Variants in CACNA1C observed in about 807,000 individuals in gnomAD.
CACNA1C encodes calcium voltage-gated channel subunit alpha1 C.
CACNA1C carries 30 observed loss-of-function variants against 229.0 expected under a neutral mutation model. The observed-to-expected ratio is 0.13, with a 90% CI of 0.10 to 0.18. CACNA1C has a LOEUF of 0.18. CACNA1C is among the 10% of genes least tolerant of loss of function. CACNA1C has a pLI of 1.00. For synonymous variants in CACNA1C, 1,114 were observed against 1,132.5 expected (o/e 0.98, Z 0.33); for missense variants, 1,658 against 2,845.0 (o/e 0.58, Z 9.49).
chr12:2,009,691 A>G (rs1033698327), intron 1 of CACNA1C, among the ~76,000 whole-genome samples: 1 of 152,218 alleles, frequency 6.6e-6, no homozygotes, highest in African/African-American at 2.4e-5. Flanking sequence ...GAAGTGAACA[A>G]TTAACTCTCT....
chr12:2,277,362 G>GACACACACACACACAC (rs59258094), intron 3 of CACNA1C, among the ~76,000 whole-genome samples: 1 of 72,152 alleles, frequency 1.4e-5, no homozygotes, highest in Admixed American at 1.4e-4. Flanking sequence ...CAGACAGACA[G>GACACACACACACACAC]ACACACACAC....
intron 9 of CACNA1C, among the ~76,000 whole-genome samples, chr12:2,542,570 G>A (rs1314611899): frequency 6.6e-6 from 1 of 152,134 alleles, no homozygotes; most frequent in African/African-American, 2.4e-5. Flanking sequence ...AACCCTCAGA[G>A]GGTTTGCTAA....
chr12:2,032,563 G>A (rs749420389), intron 1 of CACNA1C, among the ~76,000 whole-genome samples: 1 of 152,226 alleles, frequency 6.6e-6, no homozygotes. Context: ...GTTTGTGAGT[G>A]TTCGGATGTG....
intron 9 of CACNA1C, among the ~76,000 whole-genome samples, chr12:2,525,232 TG>T (rs900401425): frequency 1.3e-5 from 2 of 151,884 alleles, no homozygotes; most frequent in African/African-American, 4.8e-5. Flanking sequence ...CAGCCGAGTG[TG>T]GACAATGGGC....
chr12:2,314,308 C>T (rs938674436), intron 3 of CACNA1C, among the ~76,000 whole-genome samples: 1 of 152,126 alleles, frequency 6.6e-6, no homozygotes, highest in Admixed American at 6.5e-5. Flanking sequence ...TTTTTGGAGC[C>T]TTCAAAATTC....
At chr12:2,116,558 G>A (rs1177219586) in intron 2 of CACNA1C, among the ~76,000 whole-genome samples, 6 of 152,146 alleles carry the variant, frequency 3.9e-5, no homozygotes, top group South Asian at 2.1e-4. Context: ...TAGTAGAAAC[G>A]GGGTTTCACC....
At chr12:1,993,312 A>G in intron 1 of CACNA1C, 2 of 1,614,144 alleles carry the variant, frequency 1.2e-6, no homozygotes, top group Non-Finnish European at 1.7e-6. Flanking sequence ...TGGAAATCCA[A>G]GTCTTTAGTA....
chr12:2,066,096 G>A (rs1455650360), intron 1 of CACNA1C, among the ~76,000 whole-genome samples: 1 of 152,112 alleles, frequency 6.6e-6, no homozygotes, highest in Non-Finnish European at 1.5e-5. Flanking sequence ...AGGTAGAGGG[G>A]CAGTTCTGAG....
intron 29 of CACNA1C, among the ~76,000 whole-genome samples, chr12:2,616,229 G>A (rs926832103): frequency 8.5e-5 from 13 of 152,102 alleles, no homozygotes; most frequent in African/African-American, 1.4e-4. Flanking sequence ...CTGAAACCTC[G>A]GGAGGCCTGG....
chr12:2,014,079 A>G (rs2044893983), intron 1 of CACNA1C, among the ~76,000 whole-genome samples: 1 of 152,154 alleles, frequency 6.6e-6, no homozygotes, highest in South Asian at 2.1e-4. Flanking sequence ...GCTGCTATGG[A>G]GACTCCTAGG....
At chr12:2,359,327 G>C (rs1344664655) in intron 3 of CACNA1C, among the ~76,000 whole-genome samples, 1 of 152,126 alleles carries the variant, frequency 6.6e-6, no homozygotes, top group Non-Finnish European at 1.5e-5. Flanking sequence ...CCAGTGGGTG[G>C]ACCTTCAGCC....
intron 38 of CACNA1C, among the ~76,000 whole-genome samples, chr12:2,669,558 A>G (rs2096439247): frequency 6.6e-6 from 1 of 152,184 alleles, no homozygotes; most frequent in African/African-American, 2.4e-5. Flanking sequence ...ACAGAAGGAG[A>G]CGGGTGTTAC....
intron 3 of CACNA1C, among the ~76,000 whole-genome samples, chr12:2,146,730 G>A (rs2094747826): frequency 6.6e-6 from 1 of 151,282 alleles, no homozygotes; most frequent in Admixed American, 6.6e-5. Context: ...CTGCTGGTGG[G>A]CAGAGCGTCA....
chr12:1,974,511 C>G (rs2154459985), intron 1 of CACNA1C, among the ~76,000 whole-genome samples: 1 of 152,236 alleles, frequency 6.6e-6, no homozygotes, highest in African/African-American at 2.4e-5. Flanking sequence ...ACAACTCTAC[C>G]ATATACCATT....
rs2077212274 is a variant in CACNA1C, at chr12:2,610,590, T to C, written c.3608T>C (p.Ile1203Thr). The C allele has an allele frequency of 6.2e-7, 1 of 1,613,890 alleles. No homozygotes were observed. The highest frequency in any genetic ancestry group is 8.5e-7 in the Non-Finnish European group (1 of 1,179,958). Residue 1203 changes from isoleucine to threonine, a missense_variant, in exon 28 of 47, where the codon ATC becomes ACC. Ile to Thr is a moderately conservative substitution (Grantham distance 89). Transcript: ENST00000399655. ...AAGGCCCGGCCCCTGCGGAGGTACA[T>C]CCCCAAGAACCAGCACCAGTACAAA... Reference protein sequence around the residue: ...ALKARPLRRYIPKNQHQYKVW... With the variant: ...ALKARPLRRYTPKNQHQYKVW...
At chr12:2,260,791 A>G (rs1216277483) in intron 3 of CACNA1C, among the ~76,000 whole-genome samples, 4 of 152,334 alleles carry the variant, frequency 2.6e-5, no homozygotes, top group Admixed American at 2.6e-4. Flanking sequence ...CTGAGAATTA[A>G]ATGAGTTAAT....
chr12:2,040,797 T>C (rs1444618826), intron 1 of CACNA1C, among the ~76,000 whole-genome samples: 1 of 152,230 alleles, frequency 6.6e-6, no homozygotes, highest in Non-Finnish European at 1.5e-5. Context: ...GTCTATACTT[T>C]TCCTTGACAA....
chr12:2,145,517 C>T (rs2094619184), intron 3 of CACNA1C, among the ~76,000 whole-genome samples: 1 of 151,188 alleles, frequency 6.6e-6, no homozygotes, highest in Non-Finnish European at 1.5e-5. Flanking sequence ...TTCAACACGC[C>T]TCTCATTGTA....
At chr12:2,586,581 G>T (rs1368353640) in intron 18 of CACNA1C, among the ~76,000 whole-genome samples, 2 of 152,218 alleles carry the variant, frequency 1.3e-5, no homozygotes, top group African/African-American at 4.8e-5. Flanking sequence ...ATTATCGCCA[G>T]TTTCAAGCTT....
Sources: gnomAD v4.1 joint callset for allele counts (sites outside exome capture counted in the v4.1 genomes callset) on GRCh38, gnomAD v4.1.1 for gene constraint, MANE v1.5 for transcripts, NCBI Gene and HGNC (gene_info 2026-07-23, HGNC 2026-07-21) for gene names.